CHCHD6: variants seen among roughly 807,000 people sequenced by gnomAD.
CHCHD6 encodes the protein MICOS complex subunit MIC25.
CHCHD6 carries 28 observed loss-of-function variants against 32.3 expected under a neutral mutation model. The observed-to-expected ratio is 0.87, with a 90% confidence interval of 0.64 to 1.19. The LOEUF is 1.19. Ranked by LOEUF, CHCHD6 falls within the 50% of genes most tolerant of loss-of-function variation. The pLI, the probability that CHCHD6 is intolerant of heterozygous loss-of-function variation, is 0.00. For missense variants in CHCHD6, 333 were observed against 307.0 expected, an observed-to-expected ratio of 1.08 and a Z score of -0.63; for synonymous variants, 122 against 117.5, an observed-to-expected ratio of 1.04 and a Z score of -0.25.
At chr3:126,855,291 C>T (rs1941624126) in intron 5 of CHCHD6, among the ~76,000 whole-genome samples, 1 of 152,182 alleles carries the variant, frequency 6.6e-6, no homozygotes, top group Admixed American at 6.5e-5. Flanking sequence ...CCTTGGCTCC[C>T]ACACAGCAAT....
intron 5 of CHCHD6, chr3:126,865,443 A>C (rs190124264): frequency 3.4e-4 from 138 of 402,282 alleles, no homozygotes; most frequent in African/African-American, 3.0e-3. Context: ...ACCCTCCACC[A>C]CCAGCTTCAT....
chr3:126,767,194 C>T, intron 4 of CHCHD6: 2 of 1,589,318 alleles, frequency 1.3e-6, no homozygotes, highest in South Asian at 2.2e-5. Context: ...TGAATTCAGC[C>T]CCAAAGGCCA....
At chr3:126,831,835 G>A (rs1401178831) in intron 4 of CHCHD6, among the ~76,000 whole-genome samples, 7 of 152,216 alleles carry the variant, frequency 4.6e-5, no homozygotes, top group Non-Finnish European at 8.8e-5. Context: ...TTAATGTCCA[G>A]ATGAGAAGAT....
intron 5 of CHCHD6, 62 bp from the exon 6 acceptor site, chr3:126,914,617 TC>T (rs1195816950): frequency 2.2e-6 from 2 of 890,958 alleles, no homozygotes; most frequent in African/African-American, 3.3e-5. Flanking sequence ...TGTGGTTGCA[TC>T]CCATTAGAGA....
intron 6 of CHCHD6, among the ~76,000 whole-genome samples, chr3:126,948,162 C>T (rs893205657): frequency 6.6e-6 from 1 of 152,266 alleles, no homozygotes; most frequent in Non-Finnish European, 1.5e-5. Flanking sequence ...CCCTTTGCAG[C>T]ATGCCTGATG....
At chr3:126,955,889 G>A (rs1423361731) in intron 6 of CHCHD6, among the ~76,000 whole-genome samples, 2 of 152,174 alleles carry the variant, frequency 1.3e-5, no homozygotes, top group Non-Finnish European at 2.9e-5. Context: ...AGAGAGGACT[G>A]CGCTGCATAC....
At chr3:126,950,331 A>G (rs1347392551) in intron 6 of CHCHD6, among the ~76,000 whole-genome samples, 1 of 151,898 alleles carries the variant, frequency 6.6e-6, no homozygotes, top group Admixed American at 6.6e-5. Context: ...TTGTCCTACA[A>G]GAAGGGAGGT....
chr3:126,813,954 G>A (rs1235614704), intron 4 of CHCHD6, among the ~76,000 whole-genome samples: 2 of 152,208 alleles, frequency 1.3e-5, no homozygotes, highest in Non-Finnish European at 2.9e-5. Context: ...ATTTGAGGAA[G>A]AGCTCAGATC....
chr3:126,823,132 G>T (rs533521331), intron 4 of CHCHD6, among the ~76,000 whole-genome samples: 10 of 150,340 alleles, frequency 6.7e-5, no homozygotes, highest in Non-Finnish European at 1.3e-4. Flanking sequence ...GCCCAGGCTG[G>T]TCTCAGACTC....
chr3:126,853,355 G>T (rs1941544523), intron 5 of CHCHD6, among the ~76,000 whole-genome samples: 1 of 151,246 alleles, frequency 6.6e-6, no homozygotes, highest in Admixed American at 6.6e-5. Context: ...ATTTTTCAAA[G>T]AAATGGCTTA....
intron 5 of CHCHD6, among the ~76,000 whole-genome samples, chr3:126,892,150 G>A (rs544556842): frequency 1.3e-5 from 2 of 152,272 alleles, no homozygotes; most frequent in South Asian, 2.1e-4. Flanking sequence ...ACTACAGCTC[G>A]TCCTCCTCTG....
intron 4 of CHCHD6, among the ~76,000 whole-genome samples, chr3:126,837,253 C>G (rs991044629): frequency 6.6e-6 from 1 of 152,148 alleles, no homozygotes; most frequent in African/African-American, 2.4e-5. Flanking sequence ...TACTCTGTGC[C>G]TCATTTTTCT....
chr3:126,950,702 G>C (rs909296535), intron 6 of CHCHD6, among the ~76,000 whole-genome samples: 1 of 152,072 alleles, frequency 6.6e-6, no homozygotes, highest in Non-Finnish European at 1.5e-5. Context: ...CGCCTGCATC[G>C]GCCTCCCAAA....
At chr3:126,920,254 A>G (rs980395864) in intron 6 of CHCHD6, among the ~76,000 whole-genome samples, 2 of 137,544 alleles carry the variant, frequency 1.5e-5, no homozygotes, top group African/African-American at 5.4e-5. Flanking sequence ...GTGAAATTCT[A>G]CCTTTTGCTC....
chr3:126,906,715 T>C (rs2078013054), intron 5 of CHCHD6, among the ~76,000 whole-genome samples: 1 of 152,186 alleles, frequency 6.6e-6, no homozygotes, highest in African/African-American at 2.4e-5. Flanking sequence ...GTTTTGTATT[T>C]TTTCCCCCTC....
intron 5 of CHCHD6, among the ~76,000 whole-genome samples, chr3:126,879,656 T>A (rs766865324): frequency 1.1e-4 from 17 of 152,208 alleles, no homozygotes; most frequent in Non-Finnish European, 2.1e-4. Flanking sequence ...GGATCCTGAA[T>A]GGGAGAGCAG....
At chr3:126,724,939 C>T (rs1935464415) in intron 1 of CHCHD6, among the ~76,000 whole-genome samples, 1 of 152,212 alleles carries the variant, frequency 6.6e-6, no homozygotes, top group South Asian at 2.1e-4. Context: ...TTCTACTTCT[C>T]TTGCTGTTTC....
chr3:126,739,306 T>C (rs1936189302), intron 4 of CHCHD6, among the ~76,000 whole-genome samples: 1 of 152,224 alleles, frequency 6.6e-6, no homozygotes, highest in African/African-American at 2.4e-5. Context: ...GTAAATATTT[T>C]ACTCTTTGCA....
At chr3:126,933,937 A>G (rs2078440773) in intron 6 of CHCHD6, among the ~76,000 whole-genome samples, 2 of 152,204 alleles carry the variant, frequency 1.3e-5, no homozygotes, top group African/African-American at 4.8e-5. Flanking sequence ...TCACACATGC[A>G]TGCATTCATG....
Sources: allele counts gnomAD v4.1 joint callset (sites outside exome capture counted in the v4.1 genomes callset), GRCh38; gene constraint gnomAD v4.1.1; transcripts MANE v1.5; gene names NCBI Gene and HGNC (gene_info 2026-07-23, HGNC 2026-07-21).